Variants in MBD5 observed in about 807,000 individuals in gnomAD.
The protein encoded by MBD5 is methyl-CpG-binding domain protein 5.
Under a neutral mutation model 117.3 loss-of-function variants are expected in MBD5, and 13 were observed. That is an observed-to-expected ratio of 0.11 (90% confidence interval 0.07 to 0.18). MBD5 has a LOEUF of 0.18. Ranked by LOEUF, MBD5 falls within the 10% of genes least tolerant of loss-of-function variation. The pLI is 1.00. For synonymous variants in MBD5, 727 were observed against 766.4 expected, an observed-to-expected ratio of 0.95 and a Z score of 0.85; for missense variants, 1,879 against 2,093.8, an observed-to-expected ratio of 0.90 and a Z score of 2.00.
intron 1 of MBD5, chr2:148,026,722 G>A (rs374338606): frequency 2.6e-5 from 4 of 152,266 alleles, no homozygotes; most frequent in African/African-American, 9.6e-5. Context: ...TAGTAGTTCA[G>A]GGTCAGCCTG....
chr2:148,267,150 G>A (rs1408362915), intron 3 of MBD5, among the ~76,000 whole-genome samples: 2 of 152,068 alleles, frequency 1.3e-5, no homozygotes, highest in Non-Finnish European at 2.9e-5. Flanking sequence ...AGATATGCAG[G>A]CTTTGACATC....
At chr2:148,385,873 C>T in intron 4 of MBD5, among the ~76,000 whole-genome samples, 1 of 149,732 alleles carries the variant, frequency 6.7e-6, no homozygotes. Flanking sequence ...AAAAACCAAA[C>T]ACCACATGTT....
intron 2 of MBD5, among the ~76,000 whole-genome samples, chr2:148,218,856 T>C (rs1229379123): frequency 1.3e-5 from 2 of 152,108 alleles, no homozygotes; most frequent in East Asian, 3.9e-4. Flanking sequence ...TTGCTCTGAG[T>C]GAGTCAGTGA....
intron 2 of MBD5, among the ~76,000 whole-genome samples, chr2:148,211,206 C>T (rs937377637): frequency 3.3e-5 from 5 of 152,070 alleles, no homozygotes; most frequent in Non-Finnish European, 7.4e-5. Context: ...TGTGAATTAT[C>T]CTTTACATGT....
At chr2:148,270,388 T>C (rs1438198165) in intron 3 of MBD5, among the ~76,000 whole-genome samples, 3 of 107,970 alleles carry the variant, frequency 2.8e-5, no homozygotes, top group African/African-American at 9.2e-5. Context: ...CATTACTTCC[T>C]TTCTATTTTT....
At chr2:148,476,930 G>A (rs1044062245) in intron 8 of MBD5, among the ~76,000 whole-genome samples, 1 of 151,958 alleles carries the variant, frequency 6.6e-6, no homozygotes, top group Non-Finnish European at 1.5e-5. Context: ...AATTATACCA[G>A]CAAGAGACTT....
chr2:148,447,004 A>G (rs1279363982), intron 4 of MBD5, among the ~76,000 whole-genome samples: 5 of 151,880 alleles, frequency 3.3e-5, no homozygotes, highest in African/African-American at 1.2e-4. Context: ...GATTTCCAAG[A>G]TGAGTTCCTG....
chr2:148,344,276 T>C (rs1289851351), intron 4 of MBD5, among the ~76,000 whole-genome samples: 4 of 152,028 alleles, frequency 2.6e-5, no homozygotes, highest in Non-Finnish European at 5.9e-5. Flanking sequence ...CTTTTTGCTT[T>C]GGATTTGCGT....
In MBD5 at chr2:148,489,964, G is replaced by A. The variant is rs1681469811; in HGVS notation, c.4332G>A (p.Lys1444=). 13 of 1,613,938 alleles carry A rather than the reference G, an allele frequency of 8.1e-6. No homozygotes were observed. Among genetic ancestry groups the A allele is most frequent in the Non-Finnish European group, 6.8e-6 (8 of 1,180,026 alleles). Residue 1444 remains lysine (K), a synonymous_variant, in exon 11 of 14, where the codon AAG becomes AAA. Transcript: ENST00000642680. ...CCAGAGGGGAGCGAAACAGGTGGAA[G>A]TACGAGGAATTTTTAGATCATCCAG... ...QSPRGERNRW[K]YEEFLDHPGH... is the part of the protein sequence containing the mutation.
chr2:148,200,534 AC>A (rs2105951135), intron 2 of MBD5, among the ~76,000 whole-genome samples: 1 of 152,200 alleles, frequency 6.6e-6, no homozygotes, highest in East Asian at 1.9e-4. Flanking sequence ...TGCTAAAACT[AC>A]AAAAAAAATT....
intron 3 of MBD5, among the ~76,000 whole-genome samples, chr2:148,333,282 T>G (rs1702706854): frequency 6.6e-6 from 1 of 152,190 alleles, no homozygotes. Flanking sequence ...GATACCTCGA[T>G]AACATGTAAT....
At chr2:148,064,384 G>A (rs573160774) in intron 1 of MBD5, among the ~76,000 whole-genome samples, 35 of 151,690 alleles carry the variant, frequency 2.3e-4, no homozygotes, top group African/African-American at 8.5e-4. Context: ...CAAAGTGCTG[G>A]GACCACAGGC....
intron 3 of MBD5, among the ~76,000 whole-genome samples, chr2:148,320,195 CTGTAGTTT>C (rs1482756347): frequency 9.2e-5 from 14 of 152,064 alleles, no homozygotes; most frequent in African/African-American, 3.4e-4. Flanking sequence ...GAATATTGGT[CTGTAGTTT>C]TGTTGTTGTT....
intron 2 of MBD5, among the ~76,000 whole-genome samples, chr2:148,223,484 T>G (rs1468526888): frequency 2.0e-5 from 3 of 152,180 alleles, no homozygotes; most frequent in African/African-American, 7.2e-5. Context: ...GGTTTAATCT[T>G]GGTATGTTGT....
intron 3 of MBD5, among the ~76,000 whole-genome samples, chr2:148,321,940 A>C (rs1334782367): frequency 6.6e-6 from 1 of 152,084 alleles, no homozygotes; most frequent in Non-Finnish European, 1.5e-5. Context: ...AAGCTCTCCA[A>C]TGGGAATTAA....
At chr2:148,430,373 G>T (rs1705945907) in intron 4 of MBD5, among the ~76,000 whole-genome samples, 2 of 152,050 alleles carry the variant, frequency 1.3e-5, no homozygotes, top group Admixed American at 1.3e-4. Flanking sequence ...CAGAAATTAT[G>T]CTCTTAACCA....
chr2:148,404,270 T>C (rs1474067373), intron 4 of MBD5, among the ~76,000 whole-genome samples: 2 of 152,196 alleles, frequency 1.3e-5, no homozygotes, highest in Admixed American at 1.3e-4. Context: ...TAAGTGTTAC[T>C]AGAACAGTAT....
intron 1 of MBD5, among the ~76,000 whole-genome samples, chr2:148,072,743 T>A (rs1695396811): frequency 6.6e-6 from 1 of 152,188 alleles, no homozygotes; most frequent in African/African-American, 2.4e-5. Flanking sequence ...GATTTAGTTA[T>A]TAACTAAAAA....
chr2:148,453,813 G>A (rs1167446223), intron 4 of MBD5, among the ~76,000 whole-genome samples: 2 of 151,830 alleles, frequency 1.3e-5, no homozygotes, highest in East Asian at 3.9e-4. Context: ...GAGGCAAGTA[G>A]AATCAATTTT....
Sources: gnomAD v4.1 joint callset for allele counts (sites outside exome capture counted in the v4.1 genomes callset) on GRCh38, gnomAD v4.1.1 for gene constraint, MANE v1.5 for transcripts, NCBI Gene and HGNC (gene_info 2026-07-23, HGNC 2026-07-21) for gene names.